The following ASIC2 variants were observed in gnomAD, a reference collection of about 807,000 sequenced individuals.
The protein encoded by ASIC2 is acid sensing ion channel subunit 2, also known as acid-sensing ion channel 2.
A neutral mutation model predicts 57.3 loss-of-function variants in ASIC2; 25 were observed. The observed-to-expected ratio is 0.44, with a 90% confidence interval of 0.32 to 0.61. The LOEUF (loss-of-function observed/expected upper bound fraction) is 0.61. ASIC2 is among the 20% of genes least tolerant of loss of function. ASIC2 has a pLI of 0.06. For missense variants in ASIC2, 641 were observed against 738.1 expected (o/e 0.87, Z 1.52); for synonymous variants, 319 against 307.5 (o/e 1.04, Z -0.39).
chr17:33,742,562 A>G (rs1312491920), intron 1 of ASIC2, among the ~76,000 whole-genome samples: 1 of 152,212 alleles, frequency 6.6e-6, no homozygotes, highest in Non-Finnish European at 1.5e-5. Context: ...GTAAATCTCA[A>G]TAAAGATCTG....
intron 1 of ASIC2, among the ~76,000 whole-genome samples, chr17:33,201,082 C>T (rs1906840456): frequency 6.6e-6 from 1 of 152,172 alleles, no homozygotes; most frequent in East Asian, 1.9e-4. Context: ...TAAAATTTCA[C>T]CTCCCAACAC....
chr17:33,238,310 G>A (rs1030412380), intron 1 of ASIC2, among the ~76,000 whole-genome samples: 2 of 152,230 alleles, frequency 1.3e-5, no homozygotes, highest in Admixed American at 6.5e-5. Flanking sequence ...CCGGAGAGAC[G>A]AGGAGGCTCT....
At chr17:33,104,530 C>T (rs143783819) in intron 2 of ASIC2, among the ~76,000 whole-genome samples, 98 of 152,296 alleles carry the variant, frequency 6.4e-4, no homozygotes, top group African/African-American at 2.0e-3. Context: ...AGAAAGCAAA[C>T]GGGGGTTTCC....
chr17:33,358,468 ATCAT>A (rs1908473407), intron 1 of ASIC2, among the ~76,000 whole-genome samples: 1 of 152,244 alleles, frequency 6.6e-6, no homozygotes. Flanking sequence ...AACAAATATT[ATCAT>A]TCATTCATTC....
At chr17:33,091,361 C>T (rs1473304437) in intron 2 of ASIC2, among the ~76,000 whole-genome samples, 1 of 152,110 alleles carries the variant, frequency 6.6e-6, no homozygotes, top group East Asian at 1.9e-4. Flanking sequence ...CAGGGATGCC[C>T]CTGCTGGGAG....
intron 1 of ASIC2, among the ~76,000 whole-genome samples, chr17:33,489,197 C>T (rs1283366519): frequency 6.6e-6 from 1 of 152,152 alleles, no homozygotes; most frequent in South Asian, 2.1e-4. Context: ...CTCCTGCCCA[C>T]CCCTGTATAA....
intron 1 of ASIC2, chr17:33,932,741 A>AAAAAATATCTAT (rs1555572867): frequency 1.7e-5 from 1 of 58,716 alleles, no homozygotes; most frequent in Admixed American, 2.5e-4. Flanking sequence ...AAAAAAAAAA[A>AAAAAATATCTAT]ATATATATAT....
chr17:33,832,364 C>T (rs1913140708), intron 1 of ASIC2, among the ~76,000 whole-genome samples: 1 of 152,202 alleles, frequency 6.6e-6, no homozygotes, highest in South Asian at 2.1e-4. Context: ...AGTAACAGGG[C>T]ACTAAATCAT....
At chr17:33,503,125 T>C (rs548703261) in intron 1 of ASIC2, among the ~76,000 whole-genome samples, 7 of 152,190 alleles carry the variant, frequency 4.6e-5, no homozygotes, top group East Asian at 3.9e-4. Flanking sequence ...AGGAAGACAA[T>C]GGGCGTGGAA....
chr17:33,779,289 G>T (rs906646044), intron 1 of ASIC2, among the ~76,000 whole-genome samples: 4 of 152,104 alleles, frequency 2.6e-5, no homozygotes, highest in Admixed American at 2.0e-4. Flanking sequence ...TTCTTCAGCT[G>T]CCCTCCAGAT....
At position 33,957,922 on chromosome 17, in the gene ASIC2, C is replaced by T. The variant is rs148081442; in HGVS notation, c.555+198056G>A. 3.4e-3 allele frequency among the ~76,000 whole-genome samples: 516 copies of T among 152,322 alleles called. 2 individuals carry two copies. Among genetic ancestry groups the T allele is most frequent in the African/African-American group, 0.012 (488 of 41,578 alleles). On this transcript the variant is annotated intron_variant, in intron 1 of 9. Coordinates refer to the ASIC2 transcript ENST00000359872. Reference sequence around the variant, plus strand: ...AAAATCAAAAGCAAGTTAGTTACTTCCTAGATACAATAGGGGTAAAGGCAT... The same window carrying T: ...AAAATCAAAAGCAAGTTAGTTACTTTCTAGATACAATAGGGGTAAAGGCAT...
intron 1 of ASIC2, among the ~76,000 whole-genome samples, chr17:33,839,029 T>TA (rs1832324430): frequency 6.6e-6 from 1 of 152,216 alleles, no homozygotes; most frequent in African/African-American, 2.4e-5. Context: ...CCAATGCTGC[T>TA]AGTGCATGCA....
intron 1 of ASIC2, among the ~76,000 whole-genome samples, chr17:33,561,387 T>G (rs1467896768): frequency 2.0e-5 from 3 of 152,284 alleles, no homozygotes; most frequent in Admixed American, 6.5e-5. Flanking sequence ...TGGCAGGTGC[T>G]CTCTAAGCTT....
At chr17:33,040,828 C>T (rs16554) in intron 3 of ASIC2, among the ~76,000 whole-genome samples, 21,412 of 152,180 alleles carry the variant, frequency 0.14, 1,573 homozygotes, top group South Asian at 0.17. Flanking sequence ...ACCTGATGGA[C>T]GTGTCCTTTG....
intron 1 of ASIC2, among the ~76,000 whole-genome samples, chr17:33,246,251 T>C (rs1908685714): frequency 1.3e-5 from 2 of 151,448 alleles, no homozygotes; most frequent in African/African-American, 2.4e-5. Flanking sequence ...GAGGGAGAAA[T>C]AAAGAGCGAC....
intron 1 of ASIC2, among the ~76,000 whole-genome samples, chr17:33,248,192 C>T (rs535380934): frequency 8.5e-5 from 13 of 152,166 alleles, no homozygotes; most frequent in South Asian, 4.1e-4. Context: ...GGCTATCTCA[C>T]GAAAGAACAT....
chr17:34,093,935 C>T (rs114974100), intron 1 of ASIC2, among the ~76,000 whole-genome samples: 97 of 152,218 alleles, frequency 6.4e-4, no homozygotes, highest in African/African-American at 2.2e-3. Context: ...CCCCTGGAGC[C>T]CTTACCCTGT....
At chr17:33,739,707 G>T (rs1038520407) in intron 1 of ASIC2, among the ~76,000 whole-genome samples, 1 of 151,694 alleles carries the variant, frequency 6.6e-6, no homozygotes, top group Non-Finnish European at 1.5e-5. Flanking sequence ...CAGAACCCCA[G>T]GCTAGGAGAG....
chr17:33,302,977 G>C (rs993438425), intron 1 of ASIC2, among the ~76,000 whole-genome samples: 1 of 152,082 alleles, frequency 6.6e-6, no homozygotes, highest in African/African-American at 2.4e-5. Context: ...AGATTAAATC[G>C]TAATGGCCAT....
Sources: allele counts gnomAD v4.1 joint callset (sites outside exome capture counted in the v4.1 genomes callset), GRCh38; gene constraint gnomAD v4.1.1; transcripts MANE v1.5; gene names NCBI Gene and HGNC (gene_info 2026-07-23, HGNC 2026-07-21).